Variants in TKT observed in about 807,000 individuals in gnomAD.
TKT encodes the protein epididymis luminal protein 107.
Under a neutral mutation model 63.9 loss-of-function variants are expected in TKT, and 47 were observed. The ratio of observed to expected loss-of-function variants is 0.74; its 90% CI spans 0.58 to 0.94. The LOEUF is 0.94. Ranked by LOEUF, TKT falls within the 40% of genes least tolerant of loss-of-function variation. The pLI is 0.00. For synonymous variants in TKT, 338 were observed against 334.1 expected (o/e 1.01, Z -0.13); for missense variants, 721 against 846.2 (o/e 0.85, Z 1.84).
chr3:53,247,663 A>G (rs1705577977), intron 1 of TKT, among the ~76,000 whole-genome samples: 1 of 147,046 alleles, frequency 6.8e-6, no homozygotes, highest in African/African-American at 2.5e-5. Flanking sequence ...AAAAATACTC[A>G]GGAGAGAATC....
chr3:53,253,910 T>A (rs1310282364), intron 1 of TKT, among the ~76,000 whole-genome samples: 2 of 152,150 alleles, frequency 1.3e-5, no homozygotes, highest in African/African-American at 4.8e-5. Context: ...CCAAGAAGCA[T>A]TCCTGACAGC....
intron 10 of TKT, 152 bp downstream of exon 10, chr3:53,228,855 T>C (rs1704616059): frequency 7.8e-6 from 9 of 1,148,920 alleles, no homozygotes; most frequent in Non-Finnish European, 9.9e-6. Flanking sequence ...TATTTCGTTT[T>C]TTCTTGTCTA....
At chr3:53,228,592 G>A (rs1331938196) in intron 10 of TKT, 1 of 547,244 alleles carries the variant, frequency 1.8e-6, no homozygotes, top group African/African-American at 1.9e-5. Flanking sequence ...CCACCAGGTA[G>A]ACTGGCTGCA....
Position 53,231,345 on chromosome 3 carries a change from C to T in TKT, c.942+12G>A, listed in dbSNP as rs1553676954. On this transcript the variant is annotated intron_variant, in intron 7 of 13. Coordinates refer to ENST00000462138, the MANE Select transcript of TKT (RefSeq NM_001064.4). ...GAACTATGGGTTCAGAGAAACAGGC[C>T]CCACTTTGTACCTTGTCCCCAACTT... The T allele has an allele frequency of 1.9e-6, 3 of 1,612,000 alleles. No individual in the cohort carries two copies. Among genetic ancestry groups the T allele is most frequent in the Admixed American group, 1.7e-5 (1 of 59,954 alleles).
intron 2 of TKT, 58 bp downstream of exon 2, chr3:53,242,067 C>T: frequency 2.0e-6 from 3 of 1,511,002 alleles, no homozygotes; most frequent in South Asian, 2.3e-5. Context: ...CATTCCAGGG[C>T]CCGTGTGACC....
intron 12 of TKT, chr3:53,227,147 C>T (rs914557643): frequency 2.3e-5 from 9 of 383,152 alleles, no homozygotes; most frequent in Non-Finnish European, 4.3e-5. Flanking sequence ...GAGCGCCTTC[C>T]CTCATCCTCC....
rs138972486 is a variant in TKT at position 53,226,082 on chromosome 3, G to GTT, written c.1697-152_1697-151insAA. 732 of 637,738 alleles carry GTT rather than the reference G, an allele frequency of 1.1e-3. 6 individuals carry two copies. Among genetic ancestry groups the GTT allele is most frequent in the South Asian group, 4.0e-3 (138 of 34,288 alleles). The allele number at this position is 637,738 out of a possible 1,614,324, so 39.5% of individuals were successfully genotyped here. The stretch of plus-strand genomic sequence containing the variant: ...CCATGAGCCCATCACATAACTCATT[G>GTT]ATTTTTTTTATTTTAAAGAGACAGA... On this transcript the variant is annotated intron_variant, in intron 13 of 13. Transcript: ENST00000462138.
At chr3:53,230,135 C>G (rs1553676664) in intron 8 of TKT, among the ~76,000 whole-genome samples, 1 of 152,236 alleles carries the variant, frequency 6.6e-6, no homozygotes, top group African/African-American at 2.4e-5. Flanking sequence ...ACGGCCCCAC[C>G]TACTGGCCAG....
chr3:53,232,956 G>A, intron 6 of TKT, 200 bp downstream of exon 6: 1 of 554,894 alleles, frequency 1.8e-6, no homozygotes, highest in South Asian at 2.3e-5. Flanking sequence ...CCCACCGGCA[G>A]AGGCCAGACG....
At chr3:53,242,316 G>T in intron 1 of TKT, 74 bp from the exon 2 acceptor site, 1 of 1,411,444 alleles carries the variant, frequency 7.1e-7, no homozygotes, top group Non-Finnish European at 1.0e-6. Flanking sequence ...CAGCTGTACA[G>T]GGACCTGGGG....
intron 1 of TKT, among the ~76,000 whole-genome samples, chr3:53,252,080 T>C (rs1033145948): frequency 7.2e-5 from 11 of 152,196 alleles, no homozygotes; most frequent in Non-Finnish European, 1.2e-4. Flanking sequence ...GCGGAGTTTG[T>C]GGTGAGCCAA....
chr3:53,227,793 C>A, intron 12 of TKT: 1 of 402,688 alleles, frequency 2.5e-6, no homozygotes, highest in Non-Finnish European at 4.5e-6. Flanking sequence ...GGCCACTGAT[C>A]TGGCCACCAT....
intron 1 of TKT, among the ~76,000 whole-genome samples, chr3:53,254,760 C>T (rs975511637): frequency 6.6e-6 from 1 of 152,218 alleles, no homozygotes; most frequent in Non-Finnish European, 1.5e-5. Flanking sequence ...GGGAAGCAGG[C>T]TCTGAAGTAA....
chr3:53,231,377 T>C lies in TKT; in HGVS notation c.922A>G (p.Ser308Gly). The C allele has an allele frequency of 6.2e-7, 1 of 1,613,602 alleles. No individual in the cohort carries two copies. The highest frequency in any genetic ancestry group is 8.5e-7 in the Non-Finnish European group (1 of 1,179,988). ...IANIRMPSLP[S>G]YKVGDKIATR... Reference sequence around the variant, plus strand: ...TGTACCTTGTCCCCAACTTTGTAGCTGGGCAGGCTGGGCATGCGGATGTTG... The same window carrying C: ...TGTACCTTGTCCCCAACTTTGTAGCCGGGCAGGCTGGGCATGCGGATGTTG... Residue 308 changes from serine (S) to glycine (G), a missense_variant, in exon 7 of 14, where the codon AGC (serine) becomes GGC (glycine). Ser to Gly is a moderately conservative substitution (Grantham distance 56). Transcript: ENST00000462138.
At chr3:53,236,537 G>T (rs1484893609) in intron 4 of TKT, among the ~76,000 whole-genome samples, 1 of 152,168 alleles carries the variant, frequency 6.6e-6, no homozygotes, top group African/African-American at 2.4e-5. Context: ...TCTTTCCCCT[G>T]TAGGTTTTGA....
chr3:53,236,073 C>T (rs989657998), intron 4 of TKT, among the ~76,000 whole-genome samples: 2 of 152,200 alleles, frequency 1.3e-5, no homozygotes, highest in Non-Finnish European at 2.9e-5. Context: ...CTAGACTGTC[C>T]GCTCCTTGCC....
chr3:53,227,827 G>C lies in TKT; in HGVS notation c.1573+229C>G, dbSNP rs1330614153. 8 of 485,928 alleles carry C rather than the reference G, an allele frequency of 1.6e-5. No individual in the cohort carries two copies. The Admixed American group carries it at 2.5e-4, about 15-fold the overall frequency. The allele number at this position is 485,928 out of a possible 1,614,324, so 30.1% of individuals were successfully genotyped here. A position where few individuals can be genotyped will look rare whatever the true frequency, so the allele number is the denominator to read the frequency against. On this transcript the variant is annotated intron_variant, in intron 12 of 13. Transcript: ENST00000462138. ...ATGCTGGGGGGGTCTCGACTTTAGA[G>C]TCATAGGGTAGGGACTGTGGGCACT...
intron 5 of TKT, 29 bp downstream of exon 5, chr3:53,234,954 C>T (rs373416328): frequency 6.3e-7 from 1 of 1,582,370 alleles, no homozygotes; most frequent in Admixed American, 1.7e-5. Flanking sequence ...CGTGCTGTGA[C>T]CACACTCAGG....
In TKT at chr3:53,228,288, G is replaced by T. The variant is rs781933293; in HGVS notation, c.1467C>A (p.Val489=). 1.9e-6 allele frequency: 3 copies of T among 1,614,172 alleles called. No individual in the cohort carries two copies. Among genetic ancestry groups the T allele is most frequent in the Non-Finnish European group, 2.5e-6 (3 of 1,180,034 alleles). The change falls in exon 11 of 14, where the codon GTC becomes GTA. Residue 489 remains valine, a synonymous_variant. Transcript: ENST00000462138. ...IIYNNNEDFQ[V]GQAKVVLKSK... is the part of the protein sequence containing the mutation. ...GCGAGGCACTGACCTTGGCTTGTCC[G>T]ACCTGGAAGTCCTCATTGTTGTTAT...
Sources: allele counts gnomAD v4.1 joint callset (sites outside exome capture counted in the v4.1 genomes callset), GRCh38; gene constraint gnomAD v4.1.1; transcripts MANE v1.5; gene names NCBI Gene and HGNC (gene_info 2026-07-23, HGNC 2026-07-21).